The following ABCC1 variants were observed in gnomAD, a reference collection of about 807,000 sequenced individuals.
ABCC1 encodes the protein multidrug resistance-associated protein 1.
A neutral mutation model predicts 172.9 loss-of-function variants in ABCC1; 83 were observed. The observed-to-expected ratio is 0.48, with a 90% confidence interval of 0.40 to 0.58. The LOEUF is 0.58. Among genes scored for constraint, ABCC1 ranks in the 20% least tolerant of loss-of-function variants. The pLI is 0.00. For missense variants in ABCC1, 1,817 were observed against 2,002.7 expected (o/e 0.91, Z 1.77); for synonymous variants, 937 against 825.2 (o/e 1.14, Z -2.32).
chr16:16,089,295 C>T (rs146376690), intron 18 of ABCC1, among the ~76,000 whole-genome samples: 12 of 152,216 alleles, frequency 7.9e-5, no homozygotes, highest in African/African-American at 2.6e-4. Flanking sequence ...CCTGTAGTCC[C>T]AGCACTTTTG....
chr16:16,131,313 G>C (rs1265677788), intron 26 of ABCC1, among the ~76,000 whole-genome samples: 1 of 152,178 alleles, frequency 6.6e-6, no homozygotes, highest in African/African-American at 2.4e-5. Flanking sequence ...TGTCCTCTCA[G>C]TTTCTGTGCC....
intron 17 of ABCC1, among the ~76,000 whole-genome samples, chr16:16,084,912 C>T (rs563072101): frequency 1.3e-3 from 198 of 152,320 alleles, no homozygotes; most frequent in African/African-American, 4.6e-3. Context: ...TTAACCACCT[C>T]GCCCGGCCTA....
chr16:16,117,070 TAC>T (rs2044914929), intron 23 of ABCC1, among the ~76,000 whole-genome samples: 1 of 152,188 alleles, frequency 6.6e-6, no homozygotes, highest in Admixed American at 6.5e-5. Context: ...ATTTAAAACT[TAC>T]ACATTATTTT....
chr16:16,104,203 A>G (rs1483374835), intron 20 of ABCC1, among the ~76,000 whole-genome samples: 2 of 152,156 alleles, frequency 1.3e-5, no homozygotes, highest in Non-Finnish European at 2.9e-5. Flanking sequence ...TAAAGCTTCC[A>G]CAGTTTGGAA....
At position 16,141,153 on chromosome 16, in the gene ABCC1, C is replaced by G; in HGVS notation, c.4488-20C>G. 6.2e-7 allele frequency: 1 copy of G among 1,610,938 alleles called. No homozygotes were observed. The highest frequency in any genetic ancestry group is 1.1e-5 in the South Asian group (1 of 90,988). ...CTCACCCCTCCCCTTCCCCTCATGTCTGTATCCCCTCTCCCTCAGGGTGAT... is the reference window on the plus strand; with the variant it reads ...CTCACCCCTCCCCTTCCCCTCATGTGTGTATCCCCTCTCCCTCAGGGTGAT... On this transcript the variant is annotated intron_variant, in intron 30 of 30. Coordinates refer to ENST00000399410, the MANE Select transcript of ABCC1 (RefSeq NM_004996.4).
At chr16:16,091,528 C>G (rs937001613) in intron 19 of ABCC1, among the ~76,000 whole-genome samples, 1 of 152,068 alleles carries the variant, frequency 6.6e-6, no homozygotes, top group East Asian at 1.9e-4. Flanking sequence ...ATAGGGAAAC[C>G]CTCTCTGGGG....
At position 16,134,384 on chromosome 16, in the gene ABCC1, C is replaced by T. The variant is rs1353454252; in HGVS notation, c.4001C>T (p.Ser1334Leu). 5 of 1,614,104 alleles carry T rather than the reference C, an allele frequency of 3.1e-6. No homozygotes were observed. The highest frequency in any genetic ancestry group is 4.2e-6 in the Non-Finnish European group (5 of 1,180,022). The stretch of plus-strand genomic sequence containing the variant: ...GTGGGGCGGACGGGAGCTGGGAAGT[C>T]GTCCCTGACCCTGGGCTTATTTCGG... ...GIVGRTGAGK[S>L]SLTLGLFRIN... The change falls in exon 28 of 31, where the codon TCG becomes TTG. Residue 1334 changes from serine to leucine, a missense_variant. Coordinates refer to ENST00000399410, the MANE Select transcript of ABCC1 (RefSeq NM_004996.4).
At chr16:16,099,352 G>C (rs933681496) in intron 19 of ABCC1, among the ~76,000 whole-genome samples, 1 of 152,236 alleles carries the variant, frequency 6.6e-6, no homozygotes, top group African/African-American at 2.4e-5. Flanking sequence ...TGCAGCAGGT[G>C]GTGGTGGGGA....
At chr16:16,055,896 A>T (rs2049629618) in intron 11 of ABCC1, among the ~76,000 whole-genome samples, 196 bp from the exon 12 acceptor site, 1 of 151,740 alleles carries the variant, frequency 6.6e-6, no homozygotes, top group African/African-American at 2.4e-5. Flanking sequence ...CTGTAATCCC[A>T]GCACAGGAGT....
At chr16:16,035,034 G>T (rs2048703467) in intron 6 of ABCC1, among the ~76,000 whole-genome samples, 1 of 152,162 alleles carries the variant, frequency 6.6e-6, no homozygotes, top group Non-Finnish European at 1.5e-5. Flanking sequence ...TTCTTAGTAT[G>T]ATTTGAGTAA....
At chr16:15,970,051 A>G (rs148620064) in intron 1 of ABCC1, among the ~76,000 whole-genome samples, 84 of 152,080 alleles carry the variant, frequency 5.5e-4, no homozygotes, top group African/African-American at 1.1e-3. Flanking sequence ...CTGGTTGGAG[A>G]GAAAAAAGGA....
chr16:16,057,005 T>C (rs1416950110), intron 12 of ABCC1, among the ~76,000 whole-genome samples: 1 of 152,034 alleles, frequency 6.6e-6, no homozygotes, highest in African/African-American at 2.4e-5. Context: ...CAGTGTCTCA[T>C]AGGCCACATG....
chr16:16,125,564 G>A (rs2045394004), intron 25 of ABCC1, among the ~76,000 whole-genome samples: 1 of 151,934 alleles, frequency 6.6e-6, no homozygotes, highest in South Asian at 2.1e-4. Flanking sequence ...AAATAGCTGG[G>A]TTTACAGGTG....
intron 20 of ABCC1, among the ~76,000 whole-genome samples, chr16:16,104,228 G>A (rs188313324): frequency 1.0e-3 from 155 of 152,306 alleles, no homozygotes; most frequent in Admixed American, 3.2e-3. Context: ...ACCCCAGTAG[G>A]TGGCCACTGC....
At position 16,124,915 on chromosome 16, in the gene ABCC1, G is replaced by T. The variant is rs748378518; in HGVS notation, c.3717G>T (p.Gln1239His). 1.2e-6 allele frequency: 2 copies of T among 1,614,194 alleles called. No individual in the cohort carries two copies. The change falls in exon 25 of 31, where the codon CAG becomes CAT. Residue 1239 changes from glutamine (Q) to histidine (H), a missense_variant and splice_region_variant. This residue lies in a region of ABCC1 where 1,412 missense variants were observed against 1,600.3 expected (regional missense o/e 0.88). Coordinates refer to ENST00000399410, the MANE Select transcript of ABCC1 (RefSeq NM_004996.4). ...GCCTCTCAGTGTCTTACTCATTGCAGGTAAGAGGGGATGCTCTTGGCTGGA... is the reference window on the plus strand; with the variant it reads ...GCCTCTCAGTGTCTTACTCATTGCATGTAAGAGGGGATGCTCTTGGCTGGA... Reference protein sequence around the residue: ...LVGLSVSYSLQVTTYLNWLVR... With the variant: ...LVGLSVSYSLHVTTYLNWLVR...
chr16:15,982,147 C>T (rs1381489439), intron 1 of ABCC1, among the ~76,000 whole-genome samples: 1 of 152,198 alleles, frequency 6.6e-6, no homozygotes, highest in Admixed American at 6.5e-5. Flanking sequence ...TTGCTATACT[C>T]TTCTGAGCCC....
At chr16:16,040,711 G>C (rs2048943361) in intron 7 of ABCC1, among the ~76,000 whole-genome samples, 1 of 150,644 alleles carries the variant, frequency 6.6e-6, no homozygotes, top group Non-Finnish European at 1.5e-5. Flanking sequence ...TGGTCTCCAA[G>C]TCTTGGCTTC....
intron 19 of ABCC1, among the ~76,000 whole-genome samples, chr16:16,096,485 A>T (rs1412260737): frequency 1.3e-5 from 2 of 152,168 alleles, no homozygotes; most frequent in Non-Finnish European, 2.9e-5. Flanking sequence ...GCAGCTGCCG[A>T]GAGAGTTCAT....
At chr16:16,086,052 G>T (rs1484959662) in intron 17 of ABCC1, among the ~76,000 whole-genome samples, 1 of 152,094 alleles carries the variant, frequency 6.6e-6, no homozygotes, top group Non-Finnish European at 1.5e-5. Context: ...GACAGATCCA[G>T]AGTAAGCTGG....
Sources: allele counts gnomAD v4.1 joint callset (sites outside exome capture counted in the v4.1 genomes callset), GRCh38; gene constraint gnomAD v4.1.1; regional missense constraint gnomAD v4.1.1; transcripts MANE v1.5; gene names NCBI Gene and HGNC (gene_info 2026-07-23, HGNC 2026-07-21).